ISG20: variants seen among roughly 807,000 people sequenced by gnomAD.
ISG20 encodes interferon stimulated exonuclease gene 20.
ISG20 carries 8 observed loss-of-function variants against 11.1 expected under a neutral mutation model. The observed-to-expected ratio is 0.72, with a 90% CI of 0.42 to 1.30. ISG20 has a LOEUF of 1.30. Among genes scored for constraint, ISG20 ranks in the 50% most tolerant of loss-of-function variants. The probability of loss-of-function intolerance (pLI) is 0.01; values close to 1 mark genes in which losing one functional copy is unlikely to be tolerated. For missense variants in ISG20, 243 were observed against 250.2 expected, an observed-to-expected ratio of 0.97 and a Z score of 0.19; for synonymous variants, 110 against 101.7, an observed-to-expected ratio of 1.08 and a Z score of -0.49.
chr15:88,650,237 C>G lies in ISG20; in HGVS notation c.229-1873C>G. ...GCTCACATCTGTTCTATTTTCAGGT[C>G]CCCTTCCCATCCTCTCCAACGGCAG... On this transcript the variant is annotated intron_variant, in intron 2 of 3. Transcript: ENST00000306072. The surrounding 1 kb of genome is among the most constrained non-coding windows in gnomAD (Gnocchi z 4.0). 1 of 1,535,624 alleles carries G rather than the reference C, an allele frequency of 6.5e-7. No homozygotes were observed. The highest frequency in any genetic ancestry group is 8.7e-7 in the Non-Finnish European group (1 of 1,146,826).
At position 88,639,729 on chromosome 15, in the gene ISG20, G is replaced by T; in HGVS notation, c.228+135G>T. ...CCCACACTGCTGTTGGGAGAAAGCC[G>T]GTGGTGTCTCCATCACATCCTGGAG... On this transcript the variant is annotated intron_variant, in intron 2 of 3. Coordinates refer to ENST00000306072, the MANE Select transcript of ISG20 (RefSeq NM_002201.6). The surrounding 1 kb of genome is among the most constrained non-coding windows in gnomAD (Gnocchi z 4.2). 2 of 680,720 alleles carry T rather than the reference G, an allele frequency of 2.9e-6. No homozygotes were observed. The highest frequency in any genetic ancestry group is 1.8e-5 in the South Asian group (1 of 54,882). The allele number at this position is 680,720 out of a possible 1,614,324, so 42.2% of individuals were successfully genotyped here.
chr15:88,646,536 T>C (rs559201587), intron 2 of ISG20, among the ~76,000 whole-genome samples: 114 of 152,328 alleles, frequency 7.5e-4, no homozygotes, highest in Non-Finnish European at 2.4e-4. Context: ...TCATTATTTG[T>C]CTCTGTGGAT....
At chr15:88,654,337 A>T (rs1367049110) in intron 3 of ISG20, among the ~76,000 whole-genome samples, 1 of 152,224 alleles carries the variant, frequency 6.6e-6, no homozygotes, top group Non-Finnish European at 1.5e-5. Flanking sequence ...CAAGCCAAAA[A>T]ATAAAACTAA....
chr15:88,646,194 T>G (rs1053999410), intron 2 of ISG20, among the ~76,000 whole-genome samples: 1 of 152,184 alleles, frequency 6.6e-6, no homozygotes, highest in African/African-American at 2.4e-5. Context: ...CTAAGTAGGA[T>G]CCTCTGTAAC....
rs1007686766 is a variant in ISG20, at chr15:88,655,351, C to A, written c.430-64C>A. On this transcript the variant is annotated intron_variant, in intron 3 of 3. Transcript: ENST00000306072. ...GAAATCGGGATGTGACCAGGGAAGA[C>A]CCTGTCACGGGGCCTCTGAATTCAG... The A allele has an allele frequency of 5.6e-6, 8 of 1,440,880 alleles. No homozygotes were observed. In the Admixed American group the frequency reaches 1.3e-4, roughly 24 times the overall value. The allele number at this position is 1,440,880 out of a possible 1,614,324, so 89.3% of individuals were successfully genotyped here. A position where few individuals can be genotyped will look rare whatever the true frequency, so the allele number is the denominator to read the frequency against.
chr15:88,637,577 T>A (rs1416251355), upstream of ISG20: 1 of 152,078 alleles, frequency 6.6e-6, no homozygotes, highest in Non-Finnish European at 1.5e-5. Flanking sequence ...ACGGTAAGAA[T>A]TAGAGGCAGC....
chr15:88,650,420 A>T lies in ISG20; in HGVS notation c.229-1690A>T. On this transcript the variant is annotated intron_variant, in intron 2 of 3. Transcript: ENST00000306072. The surrounding 1 kb of genome is among the most constrained non-coding windows in gnomAD (Gnocchi z 4.0). ...GTTCACTCTTCTGGCTCAGTGTGGC[A>T]GTGGCAGGCGGGCTCTGGATTCATC... 1 of 1,500,380 alleles carries T rather than the reference A, an allele frequency of 6.7e-7. No individual in the cohort carries two copies. Among genetic ancestry groups the T allele is most frequent in the Non-Finnish European group, 8.9e-7 (1 of 1,128,150 alleles). 92.9% of individuals were successfully genotyped at this position (1,500,380 alleles called of 1,614,324 possible). A position where few individuals can be genotyped will look rare whatever the true frequency, so the allele number is the denominator to read the frequency against.
Position 88,639,190 on chromosome 15 carries a change from G to A in ISG20, c.-25+114G>A. The A allele has an allele frequency of 1.6e-6, 1 of 607,880 alleles. No homozygotes were observed. Among genetic ancestry groups the A allele is most frequent in the Middle Eastern group, 4.4e-4 (1 of 2,290 alleles). The allele number at this position is 607,880 out of a possible 1,614,324, so 37.7% of individuals were successfully genotyped here. ...GACACACGGGCAGGGTAAGGCAGGG[G>A]ATGGGGGAGGCAAGAGGCCAGCTTC... is the stretch of plus-strand genomic sequence containing the variant. On this transcript the variant is annotated intron_variant, in intron 1 of 3. Coordinates refer to ENST00000306072, the MANE Select transcript of ISG20 (RefSeq NM_002201.6). This position sits in a 1 kb window ranked among gnomAD's most constrained non-coding sequence, Gnocchi z 4.2.
chr15:88,645,682 C>G (rs1250259437), intron 2 of ISG20, among the ~76,000 whole-genome samples: 12 of 152,276 alleles, frequency 7.9e-5, no homozygotes, highest in Admixed American at 7.8e-4. Flanking sequence ...CTCCTAGTCT[C>G]TCCTATCCCC....
At chr15:88,642,830 G>A (rs1274692196) in intron 2 of ISG20, among the ~76,000 whole-genome samples, 1 of 134,098 alleles carries the variant, frequency 7.5e-6, no homozygotes, top group Non-Finnish European at 1.8e-5. Flanking sequence ...TTGCCAGGCT[G>A]GTCTCGAATG....
chr15:88,655,564 G>A lies in ISG20; in HGVS notation c.*33G>A. On this transcript the variant is annotated 3_prime_UTR_variant, in exon 4 of 4. Transcript: ENST00000306072. Reference sequence around the variant, plus strand: ...TCCAGCCCGTTCCGCAGGGACTAGAGGCTTTCGGCTTTTTGGGACAGCAAC... The same window carrying A: ...TCCAGCCCGTTCCGCAGGGACTAGAAGCTTTCGGCTTTTTGGGACAGCAAC... The A allele has an allele frequency of 6.6e-7, 1 of 1,520,200 alleles. No individual in the cohort carries two copies. The highest frequency in any genetic ancestry group is 2.3e-5 in the East Asian group (1 of 44,138). The allele number at this position is 1,520,200 out of a possible 1,614,324, so 94.2% of individuals were successfully genotyped here. A position where few individuals can be genotyped will look rare whatever the true frequency, so the allele number is the denominator to read the frequency against.
At chr15:88,651,052 C>A (rs747438186) in intron 2 of ISG20, 5 of 256,362 alleles carry the variant, frequency 2.0e-5, no homozygotes, top group Non-Finnish European at 3.1e-5. Flanking sequence ...CGTGAGACAC[C>A]GTGCCTGGCT....
upstream of ISG20, chr15:88,636,427 T>TAAAC (rs2057986052): frequency 3.3e-5 from 5 of 152,244 alleles, no homozygotes; most frequent in Non-Finnish European, 5.9e-5. Context: ...GGCAGGGTTC[T>TAAAC]AGGTGCTGGG....
chr15:88,639,486 C>T lies in ISG20; in HGVS notation c.120C>T (p.Asp40=). The T allele has an allele frequency of 6.2e-7, 1 of 1,614,162 alleles. No homozygotes were observed. The highest frequency in any genetic ancestry group is 1.6e-4 in the Middle Eastern group (1 of 6,062). ...ACGTCCACGGTGCTGTGCTGTACGA[C>T]AAGTTCATCCGGCCTGAGGGAGAGA... ...LVNVHGAVLY[D]KFIRPEGEIT... is the part of the protein sequence containing the mutation. Residue 40 remains aspartate, a synonymous_variant, in exon 2 of 4, where the codon GAC becomes GAT. Coordinates refer to ENST00000306072, the MANE Select transcript of ISG20 (RefSeq NM_002201.6). This position sits in a 1 kb window ranked among gnomAD's most constrained non-coding sequence, Gnocchi z 4.2.
chr15:88,641,604 C>G (rs186994862), intron 2 of ISG20, among the ~76,000 whole-genome samples: 41 of 152,272 alleles, frequency 2.7e-4, no homozygotes, highest in African/African-American at 8.2e-4. Context: ...GGCATTCTCT[C>G]TGTGTGTGTC....
intron 2 of ISG20, chr15:88,651,277 G>C (rs2141403529): frequency 1.0e-6 from 1 of 985,426 alleles, no homozygotes; most frequent in East Asian, 1.1e-4. Context: ...TAAATGCAGT[G>C]CTCCCTCCTC....
chr15:88,638,323 G>A (rs984685529), upstream of ISG20, among the ~76,000 whole-genome samples: 3 of 152,232 alleles, frequency 2.0e-5, no homozygotes, highest in African/African-American at 7.2e-5. Flanking sequence ...CTATCTGGCA[G>A]GCACTGTTCT....
rs1162457340 is a variant in ISG20, at chr15:88,639,162, T to G, written c.-25+86T>G. On this transcript the variant is annotated intron_variant, in intron 1 of 3. Coordinates refer to ENST00000306072, the MANE Select transcript of ISG20 (RefSeq NM_002201.6). The surrounding 1 kb of genome is among the most constrained non-coding windows in gnomAD (Gnocchi z 4.2). ...AGGCTGCGGGGCAGGCCAGAGGCCC[T>G]GGGACACACGGGCAGGGTAAGGCAG... is the stretch of plus-strand genomic sequence containing the variant. The G allele has an allele frequency of 1.7e-6, 1 of 594,824 alleles. No individual in the cohort carries two copies. Among genetic ancestry groups the G allele is most frequent in the Non-Finnish European group, 3.0e-6 (1 of 334,528 alleles). The allele number at this position is 594,824 out of a possible 1,614,324, so 36.8% of individuals were successfully genotyped here.
At chr15:88,653,447 A>G (rs1190431789) in intron 3 of ISG20, among the ~76,000 whole-genome samples, 2 of 152,098 alleles carry the variant, frequency 1.3e-5, no homozygotes, top group African/African-American at 2.4e-5. Context: ...GCCTGCTGGC[A>G]AGAGCTGTAG....
Sources: allele counts gnomAD v4.1 joint callset (sites outside exome capture counted in the v4.1 genomes callset), GRCh38; gene constraint gnomAD v4.1.1; non-coding constraint Gnocchi (gnomAD v3.1); transcripts MANE v1.5; gene names NCBI Gene and HGNC (gene_info 2026-07-23, HGNC 2026-07-21).